Variants in RBMS2 observed in about 807,000 individuals in gnomAD.
RBMS2 encodes the protein RNA-binding motif, single-stranded-interacting protein 2.
In RBMS2, 38 loss-of-function variants were observed where a neutral mutation model predicts 58.4. The observed-to-expected ratio is 0.65, with a 90% CI of 0.50 to 0.85. The LOEUF is 0.85. Ranked by LOEUF, RBMS2 falls within the 40% of genes least tolerant of loss-of-function variation. RBMS2 has a pLI of 0.00. For missense variants in RBMS2, 367 were observed against 503.7 expected (o/e 0.73, Z 2.60); for synonymous variants, 151 against 180.7 (o/e 0.84, Z 1.32).
intron 5 of RBMS2, among the ~76,000 whole-genome samples, chr12:56,576,723 T>A (rs755447660): frequency 6.6e-6 from 1 of 152,062 alleles, no homozygotes; most frequent in Non-Finnish European, 1.5e-5. Context: ...CATACTTCTC[T>A]GCAACAAAAA....
At chr12:56,583,860 TA>T (rs2136571224) in intron 9 of RBMS2, among the ~76,000 whole-genome samples, 1 of 152,372 alleles carries the variant, frequency 6.6e-6, no homozygotes, top group African/African-American at 2.4e-5. Flanking sequence ...AAACTCCATG[TA>T]AGTATTAATC....
chr12:56,573,335 G>C (rs950841105), intron 5 of RBMS2: 54 of 281,402 alleles, frequency 1.9e-4, no homozygotes, highest in Non-Finnish European at 2.5e-4. Flanking sequence ...AAATTAGCTG[G>C]GTATGGTGGC....
At chr12:56,540,738 C>G (rs1394254823) in intron 1 of RBMS2, among the ~76,000 whole-genome samples, 1 of 152,048 alleles carries the variant, frequency 6.6e-6, no homozygotes, top group East Asian at 1.9e-4. Flanking sequence ...TTAACTGTCC[C>G]CATTTTATAG....
intron 1 of RBMS2, among the ~76,000 whole-genome samples, chr12:56,530,162 C>A (rs1873438667): frequency 6.6e-6 from 1 of 152,062 alleles, no homozygotes. Flanking sequence ...CCTGCCTTGG[C>A]CTCCCAGAGT....
intron 1 of RBMS2, chr12:56,539,632 A>G (rs2657901): frequency 0.62 from 270,290 of 437,880 alleles, 85,285 homozygotes; most frequent in East Asian, 0.73. Context: ...GTTTTATTTT[A>G]TATAATAGAC....
In RBMS2 at chr12:56,525,340, A is replaced by G. The variant is rs1240292555; in HGVS notation, c.66+3251A>G. Reference sequence around the variant, plus strand: ...GGGTTCAAGCGATTCTCCCGCCTCAACCTCCTGGGTAGCTGGGACTACAGG... The same window carrying G: ...GGGTTCAAGCGATTCTCCCGCCTCAGCCTCCTGGGTAGCTGGGACTACAGG... On this transcript the variant is annotated intron_variant, in intron 1 of 13. Coordinates refer to ENST00000262031, the MANE Select transcript of RBMS2 (RefSeq NM_002898.4). 3.4e-5 allele frequency among the ~76,000 whole-genome samples: 5 copies of G among 148,920 alleles called. No individual in the cohort carries two copies. The East Asian group carries it at 1.0e-3, about 31-fold the overall frequency.
At chr12:56,537,061 C>T (rs891282536) in intron 1 of RBMS2, among the ~76,000 whole-genome samples, 9 of 151,916 alleles carry the variant, frequency 5.9e-5, no homozygotes, top group Admixed American at 6.6e-5. Flanking sequence ...GCTGGGATTA[C>T]GGGCACCTGC....
At position 56,579,613 on chromosome 12, in the gene RBMS2, G is replaced by A. The variant is rs199897762; in HGVS notation, c.543-1571G>A. 1.2e-4 allele frequency among the ~76,000 whole-genome samples: 17 copies of A among 146,780 alleles called. No homozygotes were observed. The East Asian group carries it at 2.0e-3, about 17-fold the overall frequency. ...CGCGCCACTGCACTCCAGCCTGGGC[G>A]ACAGAGCAAGACTCAGTCTCAAAAA... is the stretch of plus-strand genomic sequence containing the variant. On this transcript the variant is annotated intron_variant, in intron 5 of 13. Transcript: ENST00000262031.
intron 5 of RBMS2, among the ~76,000 whole-genome samples, chr12:56,575,961 C>T (rs1287081331): frequency 6.6e-6 from 1 of 151,752 alleles, no homozygotes; most frequent in Admixed American, 6.6e-5. Context: ...GTTTCAGTTA[C>T]CCACAGTCAA....
At chr12:56,559,294 C>T (rs1299505335) in intron 1 of RBMS2, among the ~76,000 whole-genome samples, 3 of 151,780 alleles carry the variant, frequency 2.0e-5, no homozygotes, top group Non-Finnish European at 4.4e-5. Context: ...ACGCCATTCT[C>T]CTGCCTTAGC....
intron 1 of RBMS2, among the ~76,000 whole-genome samples, chr12:56,544,265 G>T (rs1436785805): frequency 2.0e-5 from 3 of 152,058 alleles, no homozygotes; most frequent in African/African-American, 7.2e-5. Flanking sequence ...AACAGAGCGG[G>T]ACTTTGTCTC....
At chr12:56,554,756 A>T (rs751851917) in intron 1 of RBMS2, among the ~76,000 whole-genome samples, 14 of 152,152 alleles carry the variant, frequency 9.2e-5, no homozygotes, top group Non-Finnish European at 2.1e-4. Context: ...ATAAATAAAT[A>T]AAATAAAATA....
Position 56,595,552 on chromosome 12 carries a change from T to C in RBMS2, c.*6419T>C, listed in dbSNP as rs1885694222. Reference sequence around the variant, plus strand: ...TCCCTACAACTTGGTAGAGGTCCATTTTGTCTTACTTCACACTTTTTTTTT... The same window carrying C: ...TCCCTACAACTTGGTAGAGGTCCATCTTGTCTTACTTCACACTTTTTTTTT... On this transcript the variant is annotated 3_prime_UTR_variant, in exon 14 of 14. Coordinates refer to ENST00000262031, the MANE Select transcript of RBMS2 (RefSeq NM_002898.4). 6.6e-6 allele frequency: 1 copy of C among 151,552 alleles called. No homozygotes were observed. The highest frequency in any genetic ancestry group is 2.4e-5 in the African/African-American group (1 of 41,366). 9.4% of individuals were successfully genotyped at this position (151,552 alleles called of 1,614,324 possible).
intron 2 of RBMS2, among the ~76,000 whole-genome samples, chr12:56,565,865 G>A (rs368229155): frequency 6.6e-6 from 1 of 152,114 alleles, no homozygotes; most frequent in South Asian, 2.1e-4. Flanking sequence ...TCTCGGAGGG[G>A]CTCCTTCAAG....
At chr12:56,574,992 C>T (rs1020465151) in intron 5 of RBMS2, among the ~76,000 whole-genome samples, 3 of 150,548 alleles carry the variant, frequency 2.0e-5, no homozygotes, top group Non-Finnish European at 4.4e-5. Flanking sequence ...ACTAAAAATA[C>T]AAAAAATTAG....
chr12:56,589,453 G>GGT lies in RBMS2; in HGVS notation c.*320_*321insGT. On this transcript the variant is annotated 3_prime_UTR_variant, in exon 14 of 14. Coordinates refer to ENST00000262031, the MANE Select transcript of RBMS2 (RefSeq NM_002898.4). ...CAACGTACTTTTCCCCTACCTTGAA[G>GGT]AGACATGGTGGTCGCAGCTTCTCAT... 2.5e-6 allele frequency: 1 copy of GGT among 403,606 alleles called. No individual in the cohort carries two copies. The highest frequency in any genetic ancestry group is 3.8e-6 in the Non-Finnish European group (1 of 261,234). The allele number at this position is 403,606 out of a possible 1,614,324, so 25.0% of individuals were successfully genotyped here. A position where few individuals can be genotyped will look rare whatever the true frequency, so the allele number is the denominator to read the frequency against.
At chr12:56,552,915 A>G (rs1354121501) in intron 1 of RBMS2, among the ~76,000 whole-genome samples, 1 of 139,530 alleles carries the variant, frequency 7.2e-6, no homozygotes, top group Admixed American at 8.2e-5. Context: ...TTTTAAAATT[A>G]AGAGTCCTTT....
intron 1 of RBMS2, among the ~76,000 whole-genome samples, chr12:56,540,027 C>A (rs971919031): frequency 2.0e-5 from 3 of 152,100 alleles, no homozygotes; most frequent in Non-Finnish European, 4.4e-5. Flanking sequence ...TAAATGTCAT[C>A]TTTCTGACTA....
chr12:56,533,759 G>A (rs2136267625), intron 1 of RBMS2, among the ~76,000 whole-genome samples: 1 of 152,160 alleles, frequency 6.6e-6, no homozygotes, highest in Admixed American at 6.6e-5. Flanking sequence ...TTCTGTGGAA[G>A]AAAGTGAAGC....
Sources: gnomAD v4.1 joint callset for allele counts (sites outside exome capture counted in the v4.1 genomes callset) on GRCh38, gnomAD v4.1.1 for gene constraint, MANE v1.5 for transcripts, NCBI Gene and HGNC (gene_info 2026-07-23, HGNC 2026-07-21) for gene names.